Variants in PCGF3 observed in about 807,000 individuals in gnomAD.
PCGF3 encodes the protein polycomb group ring finger 3.
PCGF3 carries 7 observed loss-of-function variants against 33.1 expected under a neutral mutation model. The ratio of observed to expected loss-of-function variants is 0.21; its 90% CI spans 0.12 to 0.40. The LOEUF (loss-of-function observed/expected upper bound fraction) is 0.40, where lower values mean the gene tolerates loss of function less well. Ranked by LOEUF, PCGF3 falls within the 10% of genes least tolerant of loss-of-function variation. The pLI is 1.00. For synonymous variants in PCGF3, 153 were observed against 121.3 expected (o/e 1.26, Z -1.72); for missense variants, 211 against 313.3 (o/e 0.67, Z 2.46).
chr4:755,442 G>A (rs950557495), intron 8 of PCGF3, among the ~76,000 whole-genome samples: 2 of 152,086 alleles, frequency 1.3e-5, no homozygotes, highest in African/African-American at 4.8e-5. Context: ...TGAGCTGCAG[G>A]GCTACCTCCT....
intron 1 of PCGF3, among the ~76,000 whole-genome samples, chr4:711,047 C>T (rs532360949): frequency 6.6e-6 from 1 of 152,372 alleles, no homozygotes; most frequent in African/African-American, 2.4e-5. Flanking sequence ...GAGGACTTAG[C>T]TCCAGGGTCC....
intron 1 of PCGF3, among the ~76,000 whole-genome samples, chr4:707,224 G>T (rs889846955): frequency 2.0e-5 from 3 of 151,638 alleles, no homozygotes; most frequent in African/African-American, 7.3e-5. Flanking sequence ...GGCCCGGGGG[G>T]GCTAGGACCC....
chr4:767,890 C>T (rs1396143844), exon 11 of PCGF3: 1 of 152,644 alleles, frequency 6.6e-6, no homozygotes, highest in Non-Finnish European at 1.5e-5. Context: ...CTGAAGCATT[C>T]TGTACAACCG....
intron 8 of PCGF3, chr4:757,849 A>C (rs1361550524): frequency 6.6e-6 from 1 of 152,138 alleles, no homozygotes; most frequent in Admixed American, 6.5e-5. Context: ...GTGGTTACAA[A>C]ATGTATAAAC....
intron 3 of PCGF3, among the ~76,000 whole-genome samples, 185 bp from the exon 4 acceptor site, chr4:733,487 G>A (rs1336579837): frequency 2.0e-5 from 3 of 152,196 alleles, no homozygotes; most frequent in African/African-American, 7.2e-5. Context: ...CCCAGTGCAC[G>A]CAGACACTGG....
intron 10 of PCGF3, among the ~76,000 whole-genome samples, chr4:765,649 A>G (rs1460285955): frequency 6.6e-6 from 1 of 151,802 alleles, no homozygotes; most frequent in Non-Finnish European, 1.5e-5. Context: ...CAATGGTGGA[A>G]CTCTCCCACC....
intron 9 of PCGF3, among the ~76,000 whole-genome samples, chr4:763,498 T>C (rs893563105): frequency 3.3e-5 from 5 of 152,202 alleles, no homozygotes; most frequent in Non-Finnish European, 5.9e-5. Context: ...ACTGTCTACA[T>C]GATCAGGGAA....
intron 1 of PCGF3, among the ~76,000 whole-genome samples, chr4:725,796 C>G (rs1259351035): frequency 1.3e-5 from 2 of 152,154 alleles, no homozygotes; most frequent in Non-Finnish European, 2.9e-5. Flanking sequence ...GAGTCGCTGC[C>G]CCTCCTGTCC....
At chr4:739,409 C>CT (rs1462210454) in intron 6 of PCGF3, among the ~76,000 whole-genome samples, 1 of 152,160 alleles carries the variant, frequency 6.6e-6, no homozygotes, top group Non-Finnish European at 1.5e-5. Context: ...CCAGGCTGGT[C>CT]TTGAACTCCT....
rs1000468389 is a variant in PCGF3 at position 720,148 on chromosome 4, G to A, written c.-189-10482G>A. 4.6e-5 allele frequency among the ~76,000 whole-genome samples: 7 copies of A among 152,192 alleles called. No homozygotes were observed. Among genetic ancestry groups the A allele is most frequent in the Non-Finnish European group, 1.0e-4 (7 of 68,032 alleles). ...GAGTGACAGCCCTGGACGTGCTGTC[G>A]CCTCATGAGGACGCCGATGTGGCCC... On this transcript the variant is annotated intron_variant, in intron 1 of 10. Transcript: ENST00000362003. This position sits in a 1 kb window ranked among gnomAD's most constrained non-coding sequence, Gnocchi z 5.6.
chr4:733,843 C>G (rs775056448), intron 4 of PCGF3, 54 bp downstream of exon 4: 4 of 1,613,124 alleles, frequency 2.5e-6, no homozygotes, highest in Non-Finnish European at 3.4e-6. Flanking sequence ...CAGCTCTGTG[C>G]TCTTCAGAAC....
chr4:768,940 G>A lies in PCGF3; in HGVS notation c.*2861G>A, dbSNP rs575553725. On this transcript the variant is annotated 3_prime_UTR_variant, in exon 11 of 11. Coordinates refer to ENST00000362003, the Ensembl canonical transcript of PCGF3. ...ATTAGACATCTGTTTAAATGGTAAT[G>A]TAGCATTTATTTTGCTAAATTGAAA... is the stretch of plus-strand genomic sequence containing the variant. The A allele has an allele frequency of 7.2e-5, 11 of 152,730 alleles. No individual in the cohort carries two copies. The South Asian group carries it at 2.1e-3, about 29-fold the overall frequency. The allele number at this position is 152,730 out of a possible 1,614,324, so 9.5% of individuals were successfully genotyped here. A position where few individuals can be genotyped will look rare whatever the true frequency, so the allele number is the denominator to read the frequency against.
At chr4:719,503 G>A (rs1026292873) in intron 1 of PCGF3, among the ~76,000 whole-genome samples, 3 of 152,168 alleles carry the variant, frequency 2.0e-5, no homozygotes, top group Non-Finnish European at 1.5e-5. Context: ...GCTGTGAGCC[G>A]CCCCCCCAGG....
At chr4:748,202 C>CTT (rs34436446) in intron 8 of PCGF3, among the ~76,000 whole-genome samples, 3 of 147,098 alleles carry the variant, frequency 2.0e-5, no homozygotes, top group African/African-American at 2.5e-5. Flanking sequence ...GTCTAGAGAA[C>CTT]TTTTTTTTTT....
chr4:764,936 G>A (rs1560221800), intron 9 of PCGF3, 48 bp from the exon 10 acceptor site: 1 of 1,327,668 alleles, frequency 7.5e-7, no homozygotes, highest in Non-Finnish European at 1.1e-6. Context: ...CCATGTCAGT[G>A]TGGGTTGAGC....
At chr4:750,560 G>A (rs902404404) in intron 8 of PCGF3, among the ~76,000 whole-genome samples, 2 of 152,216 alleles carry the variant, frequency 1.3e-5, no homozygotes, top group Non-Finnish European at 2.9e-5. Context: ...TGTCTGTGGC[G>A]TGAGGTGGTG....
intron 5 of PCGF3, 47 bp from the exon 6 acceptor site, chr4:737,419 T>C (rs1577417789): frequency 2.4e-6 from 3 of 1,242,510 alleles, no homozygotes; most frequent in African/African-American, 1.5e-5. Context: ...ACAAGAATTA[T>C]AGAATTAACA....
At chr4:751,345 T>A (rs1744502011) in intron 8 of PCGF3, among the ~76,000 whole-genome samples, 1 of 152,188 alleles carries the variant, frequency 6.6e-6, no homozygotes, top group South Asian at 2.1e-4. Context: ...CTTACTGAAG[T>A]TTTGATGCGA....
intron 3 of PCGF3, among the ~76,000 whole-genome samples, chr4:732,995 C>T (rs1450003065): frequency 6.6e-6 from 1 of 151,228 alleles, no homozygotes; most frequent in African/African-American, 2.5e-5. Context: ...CAAGGCAGGG[C>T]CTCTGCCAGC....
Sources: gnomAD v4.1 joint callset for allele counts (sites outside exome capture counted in the v4.1 genomes callset) on GRCh38, gnomAD v4.1.1 for gene constraint, Gnocchi (gnomAD v3.1) non-coding constraint, MANE v1.5 for transcripts, NCBI Gene and HGNC (gene_info 2026-07-23, HGNC 2026-07-21) for gene names.